The following CALCR variants were observed in gnomAD, a reference collection of about 807,000 sequenced individuals.
The protein encoded by CALCR is calcitonin receptor.
CALCR carries 47 observed loss-of-function variants against 59.5 expected under a neutral mutation model. That is an observed-to-expected ratio of 0.79 (90% CI 0.63 to 1.01). The LOEUF (loss-of-function observed/expected upper bound fraction) is 1.01. Ranked by LOEUF, CALCR falls within the 50% of genes least tolerant of loss-of-function variation. The pLI, the probability that CALCR is intolerant of heterozygous loss-of-function variation, is 0.00. For missense variants in CALCR, 566 were observed against 597.1 expected, an observed-to-expected ratio of 0.95 and a Z score of 0.54; for synonymous variants, 213 against 211.3, an observed-to-expected ratio of 1.01 and a Z score of -0.07.
intron 2 of CALCR, among the ~76,000 whole-genome samples, chr7:93,512,951 A>C (rs1325449948): frequency 1.3e-5 from 2 of 152,208 alleles, no homozygotes; most frequent in African/African-American, 4.8e-5. Context: ...CTAATTAGTA[A>C]GACAGTAAAG....
At chr7:93,520,930 T>C (rs1801749227) in intron 2 of CALCR, among the ~76,000 whole-genome samples, 1 of 152,112 alleles carries the variant, frequency 6.6e-6, no homozygotes, top group Admixed American at 6.6e-5. Flanking sequence ...AACAAATACA[T>C]GCAATTCGAG....
At chr7:93,561,598 T>C (rs1296360225) in intron 2 of CALCR, among the ~76,000 whole-genome samples, 1 of 152,194 alleles carries the variant, frequency 6.6e-6, no homozygotes, top group Non-Finnish European at 1.5e-5. Flanking sequence ...AAAGGAGGGA[T>C]ATTTTTGATC....
intron 2 of CALCR, among the ~76,000 whole-genome samples, chr7:93,550,590 T>C (rs1222038614): frequency 1.1e-5 from 1 of 88,886 alleles, no homozygotes; most frequent in Non-Finnish European, 2.2e-5. Context: ...GCATTTCCAT[T>C]TGGGCTAAAC....
chr7:93,434,180 G>A (rs907142299), intron 13 of CALCR, 73 bp downstream of exon 13: 3 of 1,019,928 alleles, frequency 2.9e-6, no homozygotes, highest in Non-Finnish European at 4.7e-6. Context: ...AATGAAATTT[G>A]TACAGAGGCC....
At chr7:93,506,833 T>A (rs1360578944) in intron 2 of CALCR, among the ~76,000 whole-genome samples, 2 of 152,174 alleles carry the variant, frequency 1.3e-5, no homozygotes, top group Non-Finnish European at 2.9e-5. Context: ...AATCCTCACC[T>A]GTTATGAGAA....
At chr7:93,555,643 G>C (rs547002518) in intron 2 of CALCR, among the ~76,000 whole-genome samples, 6 of 151,810 alleles carry the variant, frequency 4.0e-5, no homozygotes, top group Admixed American at 2.0e-4. Flanking sequence ...TTCCAAACTT[G>C]GCAAATAGTT....
At chr7:93,570,697 G>C (rs1267762279) in intron 2 of CALCR, among the ~76,000 whole-genome samples, 1 of 152,138 alleles carries the variant, frequency 6.6e-6, no homozygotes, top group Non-Finnish European at 1.5e-5. Context: ...GGAGGTACCA[G>C]GCAGCTGTGC....
chr7:93,437,979 T>C, intron 11 of CALCR, 81 bp downstream of exon 11: 2 of 1,155,208 alleles, frequency 1.7e-6, no homozygotes, highest in Non-Finnish European at 2.6e-6. Flanking sequence ...TTATAAAACA[T>C]ATGATACATA....
At chr7:93,530,443 C>G (rs942900147) in intron 2 of CALCR, among the ~76,000 whole-genome samples, 8 of 152,084 alleles carry the variant, frequency 5.3e-5, no homozygotes, top group Non-Finnish European at 1.0e-4. Flanking sequence ...CCGCATCACT[C>G]AATCATAACA....
chr7:93,493,078 A>T (rs1324553442), intron 2 of CALCR, among the ~76,000 whole-genome samples: 1 of 151,310 alleles, frequency 6.6e-6, no homozygotes, highest in Non-Finnish European at 1.5e-5. Flanking sequence ...ATTTTCATCT[A>T]CATAAATACA....
At chr7:93,437,025 TC>T (rs200308994) in intron 11 of CALCR, among the ~76,000 whole-genome samples, 4,071 of 109,396 alleles carry the variant, frequency 0.037, 161 homozygotes, top group African/African-American at 0.12. Flanking sequence ...AATTGTTGAA[TC>T]TTTTTTTTTA....
At chr7:93,557,342 A>C (rs1204223023) in intron 2 of CALCR, among the ~76,000 whole-genome samples, 1 of 151,854 alleles carries the variant, frequency 6.6e-6, no homozygotes, top group East Asian at 1.9e-4. Flanking sequence ...TGATATATGT[A>C]TACATTGTGG....
intron 3 of CALCR, among the ~76,000 whole-genome samples, chr7:93,486,657 A>G (rs1316763497): frequency 6.6e-6 from 1 of 151,528 alleles, no homozygotes. Flanking sequence ...TTAATTTCTA[A>G]GATAATATGG....
intron 13 of CALCR, among the ~76,000 whole-genome samples, chr7:93,432,475 A>G (rs1799678867): frequency 6.6e-6 from 1 of 152,218 alleles, no homozygotes; most frequent in Non-Finnish European, 1.5e-5. Flanking sequence ...ACAGTACACA[A>G]TTCTATATTA....
At chr7:93,543,235 C>G (rs1430629166) in intron 2 of CALCR, among the ~76,000 whole-genome samples, 1 of 152,156 alleles carries the variant, frequency 6.6e-6, no homozygotes, top group African/African-American at 2.4e-5. Context: ...ACCTCCACCT[C>G]TCAGGTTCAA....
chr7:93,538,801 A>G (rs993461119), intron 2 of CALCR, among the ~76,000 whole-genome samples: 1 of 152,102 alleles, frequency 6.6e-6, no homozygotes, highest in Admixed American at 6.6e-5. Context: ...TCAAAATAAA[A>G]TAATCTGCTC....
At chr7:93,495,824 G>T in intron 2 of CALCR, 1 of 1,226,206 alleles carries the variant, frequency 8.2e-7, no homozygotes, top group South Asian at 1.3e-5. Flanking sequence ...ACATGCAAAT[G>T]AAGAAACCAT....
intron 8 of CALCR, among the ~76,000 whole-genome samples, chr7:93,454,865 A>C: frequency 6.6e-6 from 1 of 151,584 alleles, no homozygotes; most frequent in Non-Finnish European, 1.5e-5. Context: ...TTAATGGGAA[A>C]AGGACCACAA....
chr7:93,455,937 C>T (rs1366905784), intron 8 of CALCR, among the ~76,000 whole-genome samples: 2 of 152,198 alleles, frequency 1.3e-5, no homozygotes, highest in East Asian at 3.9e-4. Context: ...ATGTATAAAA[C>T]ATGTCTTCTT....
Sources: gnomAD v4.1 joint callset for allele counts (sites outside exome capture counted in the v4.1 genomes callset) on GRCh38, gnomAD v4.1.1 for gene constraint, MANE v1.5 for transcripts, NCBI Gene and HGNC (gene_info 2026-07-23, HGNC 2026-07-21) for gene names.